The following TTLL11 variants were observed in gnomAD, a reference collection of about 807,000 sequenced individuals.
TTLL11 encodes tubulin tyrosine ligase like 11, also known as tubulin polyglutamylase TTLL11.
A neutral mutation model predicts 51.7 loss-of-function variants in TTLL11; 42 were observed. The ratio of observed to expected loss-of-function variants is 0.81; its 90% confidence interval spans 0.64 to 1.05. The LOEUF (loss-of-function observed/expected upper bound fraction) is 1.05. TTLL11 is among the 50% of genes least tolerant of loss of function. The pLI is 0.00. For synonymous variants in TTLL11, 381 were observed against 383.5 expected, an observed-to-expected ratio of 0.99 and a Z score of 0.08; for missense variants, 799 against 940.4, an observed-to-expected ratio of 0.85 and a Z score of 1.97.
chr9:121,890,643 T>C lies in TTLL11; in HGVS notation c.1482-19895A>G, dbSNP rs565601700. On this transcript the variant is annotated intron_variant, in intron 6 of 8. Transcript: ENST00000321582. This position sits in a 1 kb window ranked among gnomAD's most constrained non-coding sequence, Gnocchi z 4.3. The stretch of plus-strand genomic sequence containing the variant: ...ACTCATTTATTTTGTTTATTTTCCA[T>C]CTCCTGTCCTCTCATCCTCCACCTC... Among the ~76,000 whole-genome samples, 41 of 152,302 alleles carry C rather than the reference T, an allele frequency of 2.7e-4. No homozygotes were observed. The South Asian group carries it at 5.2e-3, about 19-fold the overall frequency.
At chr9:121,975,878 A>G (rs1221839520) in intron 4 of TTLL11, among the ~76,000 whole-genome samples, 1 of 152,206 alleles carries the variant, frequency 6.6e-6, no homozygotes, top group Non-Finnish European at 1.5e-5. Flanking sequence ...CCTACTAGGC[A>G]CCCATTACTA....
At chr9:122,050,684 C>T (rs1015727145) in intron 1 of TTLL11, among the ~76,000 whole-genome samples, 4 of 152,004 alleles carry the variant, frequency 2.6e-5, no homozygotes, top group African/African-American at 7.3e-5. Context: ...AGTGATAAGC[C>T]GTCACTTCTG....
chr9:122,092,752 T>C lies in TTLL11; in HGVS notation c.397A>G (p.Ser133Gly). ...TCCAGGGAGGTCCTGGCCTTGGAGC[T>C]GTCCACGGTGACCGGCCGCTGGGAG... is the stretch of plus-strand genomic sequence containing the variant. ...NGSQRPVTVD[S>G]SKARTSLDAL... Residue 133 changes from serine (S) to glycine (G), a missense_variant, in exon 1 of 9, where the codon AGC becomes GGC. Ser to Gly is a moderately conservative substitution (Grantham distance 56). Coordinates refer to ENST00000321582, the MANE Select transcript of TTLL11 (RefSeq NM_001139442.2). The C allele has an allele frequency of 2.0e-6, 3 of 1,538,366 alleles. No individual in the cohort carries two copies. Among genetic ancestry groups the C allele is most frequent in the Non-Finnish European group, 2.6e-6 (3 of 1,147,696 alleles).
intron 6 of TTLL11, among the ~76,000 whole-genome samples, chr9:121,912,847 C>A (rs994277001): frequency 6.6e-6 from 1 of 151,912 alleles, no homozygotes; most frequent in African/African-American, 2.4e-5. Flanking sequence ...CATTCTTTTC[C>A]TCATTTTACG....
rs572177521 is a variant in TTLL11, at chr9:121,840,125, T to C, written c.1841-17246A>G. 6.4e-4 allele frequency among the ~76,000 whole-genome samples: 98 copies of C among 152,294 alleles called. 1 individual carries two copies. Among genetic ancestry groups the C allele is most frequent in the African/African-American group, 2.3e-3 (97 of 41,552 alleles). Reference sequence around the variant, plus strand: ...CAAAACATTAACATGCAAATTGCCTTCTTTACAGAAGGTAATTTTATTAGT... The same window carrying C: ...CAAAACATTAACATGCAAATTGCCTCCTTTACAGAAGGTAATTTTATTAGT... On this transcript the variant is annotated intron_variant, in intron 8 of 8. Transcript: ENST00000321582.
intron 4 of TTLL11, among the ~76,000 whole-genome samples, chr9:121,982,892 T>C (rs1244088800): frequency 6.6e-6 from 1 of 152,102 alleles, no homozygotes; most frequent in Non-Finnish European, 1.5e-5. Context: ...CTGCATCTTG[T>C]AGACCATGAG....
At chr9:121,854,542 T>C (rs1837757399) in intron 8 of TTLL11, among the ~76,000 whole-genome samples, 1 of 152,242 alleles carries the variant, frequency 6.6e-6, no homozygotes, top group Non-Finnish European at 1.5e-5. Context: ...CCCCAGATGT[T>C]GGTCTTTTGT....
intron 6 of TTLL11, among the ~76,000 whole-genome samples, chr9:121,910,225 T>C (rs1203248709): frequency 6.6e-6 from 1 of 152,196 alleles, no homozygotes; most frequent in Non-Finnish European, 1.5e-5. Flanking sequence ...ATTAATCTCT[T>C]TGGGTTTTGC....
chr9:121,896,604 C>A (rs957042687), intron 6 of TTLL11, among the ~76,000 whole-genome samples: 6 of 152,238 alleles, frequency 3.9e-5, no homozygotes, highest in Non-Finnish European at 8.8e-5. Context: ...ACTCACACTT[C>A]TGGGTCCGAG....
chr9:121,960,951 GA>G (rs1349445341), intron 6 of TTLL11, among the ~76,000 whole-genome samples: 1 of 152,166 alleles, frequency 6.6e-6, no homozygotes, highest in East Asian at 1.9e-4. Flanking sequence ...CCTCTGTGAT[GA>G]GGGTTGCAAA....
intron 3 of TTLL11, among the ~76,000 whole-genome samples, chr9:122,015,500 C>T (rs1843935028): frequency 6.6e-6 from 1 of 152,162 alleles, no homozygotes. Context: ...TAGTTATGCG[C>T]CAGAACCCAG....
At chr9:122,013,225 T>C (rs1019688897) in intron 3 of TTLL11, among the ~76,000 whole-genome samples, 3 of 152,330 alleles carry the variant, frequency 2.0e-5, no homozygotes, top group East Asian at 3.9e-4. Context: ...CCCCAAACCC[T>C]TGCCTCACTG....
chr9:121,944,554 G>A (rs1841599504), intron 6 of TTLL11, among the ~76,000 whole-genome samples: 1 of 151,338 alleles, frequency 6.6e-6, no homozygotes, highest in African/African-American at 2.5e-5. Flanking sequence ...TGAATTGACA[G>A]TAATGGTGTT....
intron 6 of TTLL11, among the ~76,000 whole-genome samples, chr9:121,927,597 T>C (rs1015223153): frequency 1.3e-5 from 2 of 150,298 alleles, no homozygotes; most frequent in Non-Finnish European, 1.5e-5. Flanking sequence ...TGAAATAAAA[T>C]AGTAAATATC....
At chr9:121,896,862 C>T (rs1032541090) in intron 6 of TTLL11, among the ~76,000 whole-genome samples, 11 of 152,184 alleles carry the variant, frequency 7.2e-5, no homozygotes, top group African/African-American at 9.7e-5. Flanking sequence ...AAGAAAAACG[C>T]GTACAGGGAT....
In TTLL11 at chr9:121,817,070, T is replaced by G. The variant is rs531300680; in HGVS notation, c.*5517A>C. 6.6e-6 allele frequency: 1 copy of G among 152,258 alleles called. No individual in the cohort carries two copies. The highest frequency in any genetic ancestry group is 2.4e-5 in the African/African-American group (1 of 41,458). The allele number at this position is 152,258 out of a possible 1,614,324, so 9.4% of individuals were successfully genotyped here. On this transcript the variant is annotated 3_prime_UTR_variant, in exon 9 of 9. Coordinates refer to ENST00000321582, the MANE Select transcript of TTLL11 (RefSeq NM_001139442.2). ...TCCCTGCCGGGAGAGCCATCATTTC[T>G]GAGCTTTCAGGGAAGATGCTCGTGT...
chr9:122,016,542 ACT>A (rs1484068249), intron 3 of TTLL11, among the ~76,000 whole-genome samples: 42 of 152,130 alleles, frequency 2.8e-4, no homozygotes, highest in African/African-American at 9.9e-4. Flanking sequence ...TTCTGCCTTG[ACT>A]CTGACCCACT....
At chr9:122,069,421 G>A (rs1031683772) in intron 1 of TTLL11, among the ~76,000 whole-genome samples, 27 of 152,186 alleles carry the variant, frequency 1.8e-4, no homozygotes, top group Admixed American at 1.0e-3. Context: ...GGTGGCTCAC[G>A]CCTGTAATCC....
intron 4 of TTLL11, among the ~76,000 whole-genome samples, chr9:121,979,983 A>G (rs1299464211): frequency 6.6e-6 from 1 of 151,062 alleles, no homozygotes; most frequent in Non-Finnish European, 1.5e-5. Flanking sequence ...TTTACTGGGC[A>G]CTACTAGATA....
Sources: allele counts gnomAD v4.1 joint callset (sites outside exome capture counted in the v4.1 genomes callset), GRCh38; gene constraint gnomAD v4.1.1; non-coding constraint Gnocchi (gnomAD v3.1); transcripts MANE v1.5; gene names NCBI Gene and HGNC (gene_info 2026-07-23, HGNC 2026-07-21).